Variants in SCPEP1 observed in about 807,000 individuals in gnomAD.
SCPEP1 encodes serine carboxypeptidase 1.
In SCPEP1, 51 loss-of-function variants were observed where a neutral mutation model predicts 63.8. That is an observed-to-expected ratio of 0.80 (90% CI 0.64 to 1.01). The LOEUF (loss-of-function observed/expected upper bound fraction) is 1.01, where lower values mean the gene tolerates loss of function less well. SCPEP1 is among the 50% of genes least tolerant of loss of function. The pLI is 0.00. For synonymous variants in SCPEP1, 204 were observed against 207.8 expected, an observed-to-expected ratio of 0.98 and a Z score of 0.16; for missense variants, 499 against 554.9, an observed-to-expected ratio of 0.90 and a Z score of 1.01.
At chr17:56,983,475 A>G (rs1911123706) in intron 2 of SCPEP1, 1 of 152,170 alleles carries the variant, frequency 6.6e-6, no homozygotes, top group South Asian at 2.1e-4. Flanking sequence ...AATATTTTTC[A>G]ATGTTGCCAC....
Position 57,002,145 on chromosome 17 carries a change from C to G in SCPEP1, c.1260C>G (p.Asn420Lys), listed in dbSNP as rs374406951. 1.2e-6 allele frequency: 2 copies of G among 1,614,002 alleles called. No individual in the cohort carries two copies. Among genetic ancestry groups the G allele is most frequent in the Non-Finnish European group, 1.7e-6 (2 of 1,180,020 alleles). Residue 420 changes from asparagine (N) to lysine (K), a missense_variant, in exon 12 of 13, where the codon AAC (asparagine) becomes AAG (lysine). Transcript: ENST00000262288. ...ETSAFVKSYK[N>K]LAFYWILKAG... ...CTGCTTTTGTCAAGTCCTACAAGAACCTTGCTTTCTACTGGATTCTGAAAG... is the reference window on the plus strand; with the variant it reads ...CTGCTTTTGTCAAGTCCTACAAGAAGCTTGCTTTCTACTGGATTCTGAAAG...
At chr17:56,995,194 A>G in intron 7 of SCPEP1, 176 bp downstream of exon 7, 1 of 578,310 alleles carries the variant, frequency 1.7e-6, no homozygotes, top group East Asian at 2.9e-5. Context: ...TCAGGGACAA[A>G]TTGAAAGAAA....
intron 10 of SCPEP1, 141 bp from the exon 11 acceptor site, chr17:57,000,713 TG>T: frequency 1.1e-6 from 1 of 913,244 alleles, no homozygotes; most frequent in Non-Finnish European, 1.7e-6. Flanking sequence ...CACAAATTTC[TG>T]GGCTGGTTCA....
intron 12 of SCPEP1, among the ~76,000 whole-genome samples, chr17:57,002,888 A>AG (rs1221413761): frequency 6.6e-6 from 1 of 151,800 alleles, no homozygotes; most frequent in African/African-American, 2.4e-5. Flanking sequence ...AAAAAAAAAA[A>AG]AAAGAAAAAT....
intron 6 of SCPEP1, among the ~76,000 whole-genome samples, chr17:56,992,853 C>T (rs914967425): frequency 6.6e-6 from 1 of 152,154 alleles, no homozygotes; most frequent in East Asian, 1.9e-4. Flanking sequence ...CAGTACGTTT[C>T]GCTTCCTGGC....
At chr17:56,991,373 A>T (rs1019811987) in intron 6 of SCPEP1, among the ~76,000 whole-genome samples, 1 of 152,176 alleles carries the variant, frequency 6.6e-6, no homozygotes, top group Non-Finnish European at 1.5e-5. Context: ...TCTTAATTTA[A>T]TTATCACAAC....
chr17:56,996,309 A>T (rs1427683777), intron 8 of SCPEP1, among the ~76,000 whole-genome samples: 1 of 151,734 alleles, frequency 6.6e-6, no homozygotes, highest in Non-Finnish European at 1.5e-5. Flanking sequence ...GGCTCAAGTG[A>T]TTCCCCTGCC....
intron 11 of SCPEP1, 144 bp from the exon 12 acceptor site, chr17:57,001,874 G>C: frequency 1.2e-6 from 1 of 857,882 alleles, no homozygotes; most frequent in Middle Eastern, 3.7e-4. Context: ...CTGATCTTCT[G>C]AATCAGAATT....
intron 12 of SCPEP1, among the ~76,000 whole-genome samples, chr17:57,005,063 TTAAAAGGTTACTGTA>T (rs1911843601): frequency 6.6e-6 from 1 of 152,192 alleles, no homozygotes; most frequent in Non-Finnish European, 1.5e-5. Flanking sequence ...TGTGTTTTGA[TTAAAAGGTTACTGTA>T]CTGTAACCCC....
chr17:56,998,109 G>T, intron 9 of SCPEP1: 1 of 325,110 alleles, frequency 3.1e-6, no homozygotes, highest in Non-Finnish European at 6.0e-6. Flanking sequence ...ACAAGAGATC[G>T]AGACCATCCT....
rs886888648 is a variant in SCPEP1, at chr17:56,991,594, A to G, written c.619+423A>G. On this transcript the variant is annotated intron_variant, in intron 6 of 12. Transcript: ENST00000262288. ...GGGGTAAAATTCCCGTCTGTTACGC[A>G]TATTGATGGCAAGACAAGGTTATCG... is the stretch of plus-strand genomic sequence containing the variant. 5.9e-5 allele frequency among the ~76,000 whole-genome samples: 9 copies of G among 152,340 alleles called. No homozygotes were observed. The Middle Eastern group carries it at 0.01, about 173-fold the overall frequency.
chr17:56,989,321 A>G (rs1326164498), intron 5 of SCPEP1, among the ~76,000 whole-genome samples: 1 of 152,262 alleles, frequency 6.6e-6, no homozygotes, highest in Non-Finnish European at 1.5e-5. Context: ...AGCCAAGTCC[A>G]TGAGATTTGT....
chr17:56,995,151 C>A, intron 7 of SCPEP1, 133 bp downstream of exon 7: 2 of 734,404 alleles, frequency 2.7e-6, no homozygotes, highest in Non-Finnish European at 4.5e-6. Context: ...TAGTCATCCA[C>A]ATAGAGTTGG....
intron 1 of SCPEP1, 74 bp downstream of exon 1, chr17:56,978,309 T>G: frequency 1.4e-6 from 2 of 1,438,278 alleles, no homozygotes; most frequent in Non-Finnish European, 9.2e-7. Context: ...TTACTGGGTT[T>G]GTGCTTTTGA....
chr17:57,000,707 A>AATT, intron 10 of SCPEP1, 148 bp from the exon 11 acceptor site: 1 of 878,352 alleles, frequency 1.1e-6, no homozygotes, highest in Non-Finnish European at 1.8e-6. Context: ...AGTCGGCACA[A>AATT]ATTTCTGGGC....
intron 6 of SCPEP1, among the ~76,000 whole-genome samples, chr17:56,992,125 C>T (rs889044852): frequency 1.3e-5 from 2 of 152,200 alleles, no homozygotes; most frequent in Non-Finnish European, 2.9e-5. Flanking sequence ...CAAAACTCTT[C>T]TGAAGGTACA....
chr17:57,000,794 A>G, intron 10 of SCPEP1, 61 bp from the exon 11 acceptor site: 2 of 1,596,958 alleles, frequency 1.3e-6, no homozygotes, highest in South Asian at 1.1e-5. Flanking sequence ...TCTGGGCTGA[A>G]AGGTACCTCC....
At chr17:56,992,206 A>T (rs1395099192) in intron 6 of SCPEP1, among the ~76,000 whole-genome samples, 1 of 152,230 alleles carries the variant, frequency 6.6e-6, no homozygotes, top group Non-Finnish European at 1.5e-5. Context: ...TACCCCTAAA[A>T]GATAGGGATT....
At chr17:56,999,568 G>A (rs1911678177) in intron 10 of SCPEP1, among the ~76,000 whole-genome samples, 1 of 152,152 alleles carries the variant, frequency 6.6e-6, no homozygotes, top group African/African-American at 2.4e-5. Flanking sequence ...CTTTCTCAGG[G>A]GACATGGGCC....
Sources: allele counts gnomAD v4.1 joint callset (sites outside exome capture counted in the v4.1 genomes callset), GRCh38; gene constraint gnomAD v4.1.1; transcripts MANE v1.5; gene names NCBI Gene and HGNC (gene_info 2026-07-23, HGNC 2026-07-21).